The following SCAPER variants were observed in gnomAD, a reference collection of about 807,000 sequenced individuals.
SCAPER encodes S phase cyclin A-associated protein in the endoplasmic reticulum.
A neutral mutation model predicts 182.2 loss-of-function variants in SCAPER; 98 were observed. The observed-to-expected ratio is 0.54, with a 90% CI of 0.46 to 0.64. SCAPER has a LOEUF of 0.64. Among genes scored for constraint, SCAPER ranks in the 30% least tolerant of loss-of-function variants. The probability of loss-of-function intolerance (pLI) is 0.00; values close to 1 mark genes in which losing one functional copy is unlikely to be tolerated. For missense variants in SCAPER, 1,432 were observed against 1,690.0 expected (o/e 0.85, Z 2.68); for synonymous variants, 605 against 564.6 (o/e 1.07, Z -1.01).
At chr15:76,657,287 T>A (rs2055727857) in intron 21 of SCAPER, among the ~76,000 whole-genome samples, 1 of 151,946 alleles carries the variant, frequency 6.6e-6, no homozygotes, top group African/African-American at 2.4e-5. Context: ...GCATACAAAC[T>A]AGAAAATCTA....
chr15:76,357,725 T>C (rs1260820990), intron 29 of SCAPER, among the ~76,000 whole-genome samples: 23 of 152,162 alleles, frequency 1.5e-4, no homozygotes, highest in Admixed American at 1.5e-3. Flanking sequence ...AAGTGAGGTA[T>C]GTATGGGCAT....
chr15:76,489,224 A>G (rs1290229255), intron 24 of SCAPER, among the ~76,000 whole-genome samples: 1 of 138,402 alleles, frequency 7.2e-6, no homozygotes, highest in East Asian at 2.4e-4. Flanking sequence ...TGGTTTTGCC[A>G]TTAAAAGTAA....
At chr15:76,828,747 C>A (rs2068214014) in intron 5 of SCAPER, among the ~76,000 whole-genome samples, 1 of 152,174 alleles carries the variant, frequency 6.6e-6, no homozygotes, top group Non-Finnish European at 1.5e-5. Context: ...GAAGCCAACT[C>A]CCATAAATGC....
At chr15:76,602,128 C>T (rs775401571) in intron 22 of SCAPER, among the ~76,000 whole-genome samples, 3 of 120,982 alleles carry the variant, frequency 2.5e-5, no homozygotes, top group African/African-American at 7.6e-5. Flanking sequence ...AACACTGTTG[C>T]TATTATTATT....
intron 21 of SCAPER, among the ~76,000 whole-genome samples, chr15:76,637,764 G>A (rs1438690973): frequency 0.028 from 3,871 of 137,694 alleles, 274 homozygotes; most frequent in African/African-American, 0.096. Context: ...GTGTGTGTGT[G>A]TGTGTGTGTG....
chr15:76,465,336 G>C (rs2049519930), intron 25 of SCAPER, among the ~76,000 whole-genome samples: 1 of 152,042 alleles, frequency 6.6e-6, no homozygotes, highest in Non-Finnish European at 1.5e-5. Context: ...TCTTTTATAA[G>C]GGTTCTGAAA....
At chr15:76,568,962 T>C (rs1395435190) in intron 23 of SCAPER, among the ~76,000 whole-genome samples, 1 of 152,086 alleles carries the variant, frequency 6.6e-6, no homozygotes, top group Non-Finnish European at 1.5e-5. Context: ...ATTTGTGCTA[T>C]TTATCTGTAA....
At position 76,404,261 on chromosome 15, in the gene SCAPER, C is replaced by T. The variant is rs1361943646; in HGVS notation, c.3467+263G>A. ...CCTCTGGATCTCAGTGGAAGAGGGA[C>T]TGGATGACCTCTTAGGTCTCTTCTA... On this transcript the variant is annotated intron_variant, in intron 27 of 31. Transcript: ENST00000563290. Among the ~76,000 whole-genome samples the T allele has an allele frequency of 1.6e-4, 24 of 152,020 alleles. 1 individual carries two copies. The highest frequency in any genetic ancestry group is 1.6e-3 in the Admixed American group (24 of 15,260).
chr15:76,670,791 C>T (rs2056957359), intron 20 of SCAPER, among the ~76,000 whole-genome samples: 1 of 152,170 alleles, frequency 6.6e-6, no homozygotes, highest in South Asian at 2.1e-4. Flanking sequence ...TCTATAAATA[C>T]ATTTCAAGTC....
rs1346498424 is a variant in SCAPER, at chr15:76,525,371, G to A, written c.2839-20397C>T. Reference sequence around the variant, plus strand: ...TTCTTTTTTAAATATAAATAAAAAAGTAATTTTATTTTAAAAATTTCAACT... The same window carrying A: ...TTCTTTTTTAAATATAAATAAAAAAATAATTTTATTTTAAAAATTTCAACT... On this transcript the variant is annotated intron_variant, in intron 23 of 31. Transcript: ENST00000563290. Among the ~76,000 whole-genome samples, 4 of 151,936 alleles carry A rather than the reference G, an allele frequency of 2.6e-5. No homozygotes were observed. The East Asian group carries it at 7.7e-4, about 29-fold the overall frequency.
intron 5 of SCAPER, among the ~76,000 whole-genome samples, chr15:76,810,466 C>G (rs1225991959): frequency 6.7e-6 from 1 of 149,408 alleles, no homozygotes; most frequent in East Asian, 1.9e-4. Context: ...ACATAAGCAC[C>G]CTGGTAACCA....
intron 23 of SCAPER, among the ~76,000 whole-genome samples, chr15:76,515,419 T>C (rs1004994905): frequency 1.3e-5 from 2 of 152,188 alleles, no homozygotes; most frequent in Non-Finnish European, 2.9e-5. Flanking sequence ...TATGGTTCCT[T>C]TTTTCTTTGC....
intron 21 of SCAPER, among the ~76,000 whole-genome samples, chr15:76,644,631 C>T (rs1238213089): frequency 6.6e-6 from 1 of 151,896 alleles, no homozygotes; most frequent in Non-Finnish European, 1.5e-5. Context: ...CACATGTTAT[C>T]AAAGCCTGTA....
chr15:76,609,325 TAA>T (rs577590084), intron 22 of SCAPER, among the ~76,000 whole-genome samples: 5,035 of 143,098 alleles, frequency 0.035, 250 homozygotes, highest in African/African-American at 0.11. Context: ...TCTTTTCTCT[TAA>T]AAAAAAAAAA....
In SCAPER at chr15:76,717,863, C is replaced by T. The variant is rs542996690; in HGVS notation, c.2165+10732G>A. 1.1e-3 allele frequency among the ~76,000 whole-genome samples: 163 copies of T among 152,022 alleles called. 1 individual carries two copies. Among genetic ancestry groups the T allele is most frequent in the Middle Eastern group, 3.4e-3 (1 of 294 alleles). On this transcript the variant is annotated intron_variant, in intron 17 of 31. Transcript: ENST00000563290. The stretch of plus-strand genomic sequence containing the variant: ...TAATAATATAAGGGACTTCAATACC[C>T]CACTGTCAACAATAGATAAACTAGA...
chr15:76,443,486 C>T (rs773019374), intron 25 of SCAPER, among the ~76,000 whole-genome samples: 6 of 152,164 alleles, frequency 3.9e-5, no homozygotes, highest in Non-Finnish European at 8.8e-5. Flanking sequence ...CCAAGGAAAT[C>T]AGCAGTTTAC....
At chr15:76,386,916 C>T (rs1158265185) in intron 27 of SCAPER, among the ~76,000 whole-genome samples, 2 of 152,194 alleles carry the variant, frequency 1.3e-5, no homozygotes, top group Non-Finnish European at 2.9e-5. Context: ...AAGTGATATA[C>T]TCTGACTTCA....
chr15:76,348,502 T>C lies in SCAPER; in HGVS notation c.*131A>G. The C allele has an allele frequency of 1.7e-6, 1 of 590,344 alleles. No homozygotes were observed. Among genetic ancestry groups the C allele is most frequent in the Non-Finnish European group, 3.0e-6 (1 of 338,114 alleles). 36.6% of individuals were successfully genotyped at this position (590,344 alleles called of 1,614,324 possible). On this transcript the variant is annotated 3_prime_UTR_variant, in exon 32 of 32. Coordinates refer to ENST00000563290, the MANE Select transcript of SCAPER (RefSeq NM_020843.4). Reference sequence around the variant, plus strand: ...TACAGTCATTATAAATAGTGTAAAGTACATGCCATATCTACAGTGTGGGAA... The same window carrying C: ...TACAGTCATTATAAATAGTGTAAAGCACATGCCATATCTACAGTGTGGGAA...
chr15:76,577,525 A>G (rs570545612), intron 22 of SCAPER, among the ~76,000 whole-genome samples: 1 of 152,190 alleles, frequency 6.6e-6, no homozygotes, highest in Non-Finnish European at 1.5e-5. Context: ...GTAGGACGGA[A>G]TAACTGGGCA....
Sources: gnomAD v4.1 joint callset for allele counts (sites outside exome capture counted in the v4.1 genomes callset) on GRCh38, gnomAD v4.1.1 for gene constraint, MANE v1.5 for transcripts, NCBI Gene and HGNC (gene_info 2026-07-23, HGNC 2026-07-21) for gene names.